Variants in SRSF11 observed in about 807,000 individuals in gnomAD.
The protein encoded by SRSF11 is serine and arginine rich splicing factor 11.
SRSF11 carries 9 observed loss-of-function variants against 56.0 expected under a neutral mutation model. The ratio of observed to expected loss-of-function variants is 0.16; its 90% CI spans 0.10 to 0.28. SRSF11 has a LOEUF of 0.28. SRSF11 is among the 10% of genes least tolerant of loss of function. SRSF11 has a pLI of 1.00. For missense variants in SRSF11, 421 were observed against 600.7 expected (o/e 0.70, Z 3.13); for synonymous variants, 222 against 215.3 (o/e 1.03, Z -0.27).
chr1:70,247,984 G>A (rs766087413), intron 9 of SRSF11, among the ~76,000 whole-genome samples: 8 of 152,064 alleles, frequency 5.3e-5, no homozygotes, highest in Admixed American at 3.3e-4. Context: ...CACTAGGATG[G>A]TTATAAATCA....
Position 70,249,846 on chromosome 1 carries a change from C to T in SRSF11, c.1023-106C>T, listed in dbSNP as rs1193422876. On this transcript the variant is annotated intron_variant, in intron 9 of 11. Coordinates refer to ENST00000370949, the MANE Select transcript of SRSF11 (RefSeq NM_001350605.2). ...AAGTGCTGGGATTATAGGCATGAGC[C>T]ACTACATCTGGCCACATCTTTCATT... The T allele has an allele frequency of 4.2e-6, 5 of 1,202,090 alleles. No individual in the cohort carries two copies. In the African/African-American group the frequency reaches 4.5e-5, roughly 11 times the overall value. The allele number at this position is 1,202,090 out of a possible 1,614,324, so 74.5% of individuals were successfully genotyped here. A position where few individuals can be genotyped will look rare whatever the true frequency, so the allele number is the denominator to read the frequency against.
In SRSF11 at chr1:70,221,416, G is replaced by T; in HGVS notation, c.-221G>T. 131 of 516,876 alleles carry T rather than the reference G, an allele frequency of 2.5e-4. No individual in the cohort carries two copies. Among genetic ancestry groups the T allele is most frequent in the Middle Eastern group, 5.2e-4 (1 of 1,924 alleles). 32.0% of individuals were successfully genotyped at this position (516,876 alleles called of 1,614,324 possible). A position where few individuals can be genotyped will look rare whatever the true frequency, so the allele number is the denominator to read the frequency against. ...TGGAGGCGAGGTGGGGCGGCCGTTT[G>T]TTTTCTCGTGGTCTCGAGCTCGCGC... On this transcript the variant is annotated 5_prime_UTR_variant, in exon 1 of 12. Coordinates refer to ENST00000370949, the MANE Select transcript of SRSF11 (RefSeq NM_001350605.2).
intron 2 of SRSF11, chr1:70,230,805 T>A (rs1672713768): frequency 2.5e-6 from 3 of 1,178,684 alleles, no homozygotes; most frequent in Non-Finnish European, 1.1e-6. Flanking sequence ...TTGAGTAAGA[T>A]GTTGATACTG....
At chr1:70,208,421 C>T (rs1162736429) in intron 1 of SRSF11, among the ~76,000 whole-genome samples, 2 of 152,170 alleles carry the variant, frequency 1.3e-5, no homozygotes, top group East Asian at 3.9e-4. Flanking sequence ...CAACCTCCAC[C>T]TCCCAGCTTC....
At position 70,233,598 on chromosome 1, in the gene SRSF11, G is replaced by A. The variant is rs539772525; in HGVS notation, c.448-1098G>A. 8.5e-5 allele frequency among the ~76,000 whole-genome samples: 13 copies of A among 152,210 alleles called. No homozygotes were observed. In the East Asian group the frequency reaches 2.5e-3, roughly 29 times the overall value. On this transcript the variant is annotated intron_variant, in intron 3 of 11. Coordinates refer to ENST00000370949, the MANE Select transcript of SRSF11 (RefSeq NM_001350605.2). ...TATAAAGCTATGCAATAGCTATGTT[G>A]GACAGTAAGTTAAAATAGTATTAAC...
At chr1:70,238,414 A>C (rs1674590599) in intron 6 of SRSF11, among the ~76,000 whole-genome samples, 1 of 152,236 alleles carries the variant, frequency 6.6e-6, no homozygotes, top group Admixed American at 6.5e-5. Context: ...AATGACATTC[A>C]CAATAAATTG....
In SRSF11 at chr1:70,237,416, C is replaced by T; in HGVS notation, c.591-9C>T. 1.9e-6 allele frequency: 3 copies of T among 1,611,080 alleles called. No individual in the cohort carries two copies. The highest frequency in any genetic ancestry group is 2.5e-6 in the Non-Finnish European group (3 of 1,179,520). ...ATATTTCAGATCCCATTTCTTGGTTCTGTTTCAGGTTGAATCATGTAGCTG... is the reference window on the plus strand; with the variant it reads ...ATATTTCAGATCCCATTTCTTGGTTTTGTTTCAGGTTGAATCATGTAGCTG... On this transcript the variant is annotated splice_polypyrimidine_tract_variant and intron_variant, in intron 5 of 11. Transcript: ENST00000370949.
At chr1:70,232,779 T>C (rs1036999016) in intron 3 of SRSF11, among the ~76,000 whole-genome samples, 9 of 152,000 alleles carry the variant, frequency 5.9e-5, no homozygotes, top group African/African-American at 2.2e-4. Context: ...ATTTGGGGGG[T>C]TTTGAATTAC....
intron 5 of SRSF11, among the ~76,000 whole-genome samples, chr1:70,236,955 T>C (rs938295798): frequency 2.3e-4 from 35 of 151,684 alleles, no homozygotes; most frequent in Admixed American, 2.1e-3. Flanking sequence ...GCCTGGCTAG[T>C]TTTTTGTATT....
At chr1:70,235,638 A>G (rs1237888320) in intron 5 of SRSF11, 88 bp downstream of exon 5, 2 of 1,279,698 alleles carry the variant, frequency 1.6e-6, no homozygotes, top group African/African-American at 1.5e-5. Context: ...TAAGAAAGTT[A>G]TCAAGTTATC....
intron 7 of SRSF11, among the ~76,000 whole-genome samples, chr1:70,243,550 A>G (rs1298977527): frequency 2.0e-5 from 3 of 152,114 alleles, no homozygotes; most frequent in African/African-American, 7.2e-5. Context: ...GAGAGGTTAG[A>G]TAATACTCTT....
At chr1:70,231,240 A>G in intron 2 of SRSF11, 2 of 1,213,892 alleles carry the variant, frequency 1.6e-6, no homozygotes, top group East Asian at 1.2e-4. Context: ...CTTAATATGT[A>G]TTACAGAAAT....
intron 9 of SRSF11, 166 bp downstream of exon 9, chr1:70,247,073 T>G (rs929226728): frequency 2.7e-6 from 3 of 1,106,188 alleles, no homozygotes; most frequent in East Asian, 3.1e-5. Flanking sequence ...TTGTGAAGAA[T>G]AATGTAGTTT....
rs1340260974 is a variant in SRSF11 at position 70,246,920 on chromosome 1, T to C, written c.1022+13T>C. The C allele has an allele frequency of 1.3e-6, 2 of 1,584,558 alleles. No homozygotes were observed. Among genetic ancestry groups the C allele is most frequent in the Middle Eastern group, 1.7e-4 (1 of 5,962 alleles). On this transcript the variant is annotated intron_variant, in intron 9 of 11. Coordinates refer to ENST00000370949, the MANE Select transcript of SRSF11 (RefSeq NM_001350605.2). The stretch of plus-strand genomic sequence containing the variant: ...GAAGTGCAAGCAGGTAAGGTGGCAT[T>C]GTGAATTCTTGGCAATTATTTTTTT...
chr1:70,209,215 A>C (rs1199669960), intron 1 of SRSF11, among the ~76,000 whole-genome samples: 1 of 152,228 alleles, frequency 6.6e-6, no homozygotes, highest in Non-Finnish European at 1.5e-5. Flanking sequence ...ATTAAAATTT[A>C]TTAAGACATA....
At chr1:70,223,988 G>T (rs1184100166) in intron 1 of SRSF11, among the ~76,000 whole-genome samples, 1 of 152,132 alleles carries the variant, frequency 6.6e-6, no homozygotes, top group Non-Finnish European at 1.5e-5. Context: ...AAAATATAAG[G>T]AGAGAACGTC....
chr1:70,221,649 A>G lies in SRSF11; in HGVS notation c.13A>G (p.Thr5Ala). 2 of 1,611,234 alleles carry G rather than the reference A, an allele frequency of 1.2e-6. No individual in the cohort carries two copies. Among genetic ancestry groups the G allele is most frequent in the Non-Finnish European group, 8.5e-7 (1 of 1,178,600 alleles). Reference sequence around the variant, plus strand: ...CCCGAGCAGCGCCATGAGCAACACTACCGTCGTCCCCAGCACTGCAGGTCC... The same window carrying G: ...CCCGAGCAGCGCCATGAGCAACACTGCCGTCGTCCCCAGCACTGCAGGTCC... MSNT[T>A]VVPSTAGPGP... Residue 5 changes from threonine to alanine, a missense_variant, in exon 1 of 12, where the codon ACC becomes GCC. Coordinates refer to ENST00000370949, the MANE Select transcript of SRSF11 (RefSeq NM_001350605.2).
At chr1:70,236,417 G>A (rs144543183) in intron 5 of SRSF11, among the ~76,000 whole-genome samples, 2,981 of 142,254 alleles carry the variant, frequency 0.021, 35 homozygotes, top group Non-Finnish European at 0.031. Context: ...TGCAACCTCC[G>A]CCTCCCAGAT....
intron 1 of SRSF11, among the ~76,000 whole-genome samples, chr1:70,213,324 C>T (rs1255525848): frequency 6.6e-6 from 1 of 152,114 alleles, no homozygotes; most frequent in Non-Finnish European, 1.5e-5. Flanking sequence ...AGAATAGAAG[C>T]CACTTATGTT....
Sources: gnomAD v4.1 joint callset for allele counts (sites outside exome capture counted in the v4.1 genomes callset) on GRCh38, gnomAD v4.1.1 for gene constraint, MANE v1.5 for transcripts, NCBI Gene and HGNC (gene_info 2026-07-23, HGNC 2026-07-21) for gene names.